Variants in PRKCB observed in about 807,000 individuals in gnomAD.
PRKCB encodes protein kinase C beta, also known as protein kinase C beta type.
Under a neutral mutation model 81.5 loss-of-function variants are expected in PRKCB, and 13 were observed. That is an observed-to-expected ratio of 0.16 (90% CI 0.10 to 0.25). The LOEUF (loss-of-function observed/expected upper bound fraction) is 0.25. PRKCB is among the 10% of genes least tolerant of loss of function. The probability of loss-of-function intolerance (pLI) is 1.00; values close to 1 mark genes in which losing one functional copy is unlikely to be tolerated. For synonymous variants in PRKCB, 335 were observed against 321.4 expected, an observed-to-expected ratio of 1.04 and a Z score of -0.45; for missense variants, 509 against 875.7, an observed-to-expected ratio of 0.58 and a Z score of 5.29.
At position 24,217,162 on chromosome 16, in the gene PRKCB, AAAAG is replaced by A. The variant is rs1482072810; in HGVS notation, c.*2349_*2352del. On this transcript the variant is annotated 3_prime_UTR_variant, in exon 17 of 17. Coordinates refer to ENST00000643927, the MANE Select transcript of PRKCB (RefSeq NM_002738.7). ...AAAGGAAGGAAGGAAAGAAGGAAGG[AAAAG>A]AAGGAAGGAAGGAAGGAATATAGTG... 4 of 981,694 alleles carry A rather than the reference AAAAG, an allele frequency of 4.1e-6. No individual in the cohort carries two copies. Among genetic ancestry groups the A allele is most frequent in the Non-Finnish European group, 3.6e-6 (3 of 827,854 alleles). 60.8% of individuals were successfully genotyped at this position (981,694 alleles called of 1,614,324 possible).
chr16:23,841,671 T>TTTTA (rs1305070212), intron 2 of PRKCB, among the ~76,000 whole-genome samples: 1 of 144,850 alleles, frequency 6.9e-6, no homozygotes, highest in Non-Finnish European at 1.5e-5. Flanking sequence ...TTTTTTTTTT[T>TTTTA]TTGAGACGGA....
At chr16:23,885,341 C>T (rs1343562872) in intron 2 of PRKCB, among the ~76,000 whole-genome samples, 2 of 152,142 alleles carry the variant, frequency 1.3e-5, no homozygotes, top group East Asian at 3.8e-4. Context: ...CGGAGTCTTG[C>T]TCTGTCACCC....
chr16:23,877,208 A>G (rs1213460671), intron 2 of PRKCB, among the ~76,000 whole-genome samples: 1 of 152,132 alleles, frequency 6.6e-6, no homozygotes, highest in East Asian at 1.9e-4. Context: ...AGCCAGGCAC[A>G]GTGCCTGTAG....
intron 2 of PRKCB, among the ~76,000 whole-genome samples, chr16:23,913,979 T>A (rs1597242998): frequency 6.6e-6 from 1 of 152,076 alleles, no homozygotes; most frequent in African/African-American, 2.4e-5. Flanking sequence ...TGCTCCCCAG[T>A]ATGTGAAAAT....
intron 10 of PRKCB, among the ~76,000 whole-genome samples, chr16:24,169,442 C>T (rs904609310): frequency 3.3e-5 from 5 of 152,208 alleles, no homozygotes; most frequent in East Asian, 1.9e-4. Flanking sequence ...TTACATGATG[C>T]GTCCCTCAGC....
At chr16:23,979,658 G>C (rs1047261003) in intron 2 of PRKCB, among the ~76,000 whole-genome samples, 2 of 152,046 alleles carry the variant, frequency 1.3e-5, no homozygotes, top group Admixed American at 1.3e-4. Context: ...AGGAAAGCGG[G>C]GGAGGCTTTC....
At chr16:23,913,235 G>C (rs563551996) in intron 2 of PRKCB, among the ~76,000 whole-genome samples, 5 of 152,134 alleles carry the variant, frequency 3.3e-5, no homozygotes, top group African/African-American at 9.6e-5. Context: ...TGGACAAGGA[G>C]AAGCCGAGAG....
At chr16:23,900,830 T>A (rs1963460441) in intron 2 of PRKCB, among the ~76,000 whole-genome samples, 1 of 147,664 alleles carries the variant, frequency 6.8e-6, no homozygotes, top group Non-Finnish European at 1.5e-5. Context: ...CTGGAGTGGA[T>A]CTCCTTGTAC....
chr16:24,155,570 C>T (rs1369182902), intron 10 of PRKCB, among the ~76,000 whole-genome samples: 1 of 152,194 alleles, frequency 6.6e-6, no homozygotes, highest in African/African-American at 2.4e-5. Flanking sequence ...TTTTAGGATT[C>T]TCAGGGCCAA....
intron 5 of PRKCB, among the ~76,000 whole-genome samples, chr16:24,051,813 C>G (rs1039326792): frequency 1.3e-5 from 2 of 152,004 alleles, no homozygotes; most frequent in African/African-American, 2.4e-5. Flanking sequence ...TCCAGGAGTT[C>G]AAGGAAAGAG....
intron 2 of PRKCB, among the ~76,000 whole-genome samples, chr16:23,911,894 G>A (rs1963662485): frequency 1.4e-5 from 2 of 142,250 alleles, no homozygotes; most frequent in African/African-American, 2.7e-5. Context: ...TGCAGTGGCA[G>A]GATCTCGGCT....
chr16:24,045,715 G>A (rs950806053), intron 5 of PRKCB, among the ~76,000 whole-genome samples: 1 of 152,172 alleles, frequency 6.6e-6, no homozygotes, highest in Admixed American at 6.5e-5. Flanking sequence ...TAGCAATTCG[G>A]GATCTCAGCT....
chr16:24,096,380 C>G (rs1966438669), intron 7 of PRKCB, among the ~76,000 whole-genome samples: 1 of 152,056 alleles, frequency 6.6e-6, no homozygotes, highest in South Asian at 2.1e-4. Context: ...TTGGTTAGAT[C>G]AAATCTCTTT....
intron 8 of PRKCB, among the ~76,000 whole-genome samples, chr16:24,120,859 G>A (rs754694974): frequency 4.6e-5 from 7 of 151,776 alleles, no homozygotes; most frequent in South Asian, 2.1e-4. Flanking sequence ...TCAGCCTCCC[G>A]CGTAGCTGGG....
intron 9 of PRKCB, among the ~76,000 whole-genome samples, chr16:24,127,212 G>C (rs1596560150): frequency 6.7e-6 from 1 of 148,934 alleles, no homozygotes; most frequent in Non-Finnish European, 1.5e-5. Flanking sequence ...CTCCATGTTG[G>C]TCAGGCTGGT....
chr16:23,851,510 G>A (rs1223697083), intron 2 of PRKCB, among the ~76,000 whole-genome samples: 1 of 152,138 alleles, frequency 6.6e-6, no homozygotes, highest in Non-Finnish European at 1.5e-5. Context: ...TTGAAATTAA[G>A]TCGTGTGATT....
intron 7 of PRKCB, among the ~76,000 whole-genome samples, chr16:24,107,582 A>C (rs1966594354): frequency 6.6e-6 from 1 of 152,128 alleles, no homozygotes; most frequent in Non-Finnish European, 1.5e-5. Flanking sequence ...TGTGCATCTC[A>C]AAGTCAGAAG....
chr16:23,875,728 CAT>C (rs1343281471), intron 2 of PRKCB, among the ~76,000 whole-genome samples: 2 of 47,990 alleles, frequency 4.2e-5, no homozygotes, highest in African/African-American at 9.6e-5. Flanking sequence ...GTATATCACA[CAT>C]ATATATGTAT....
intron 2 of PRKCB, among the ~76,000 whole-genome samples, chr16:23,883,841 A>C (rs185584596): frequency 1.1e-3 from 175 of 152,286 alleles, no homozygotes; most frequent in African/African-American, 3.7e-3. Flanking sequence ...TCCAGTAGAA[A>C]TATAACATGA....
Sources: allele counts gnomAD v4.1 joint callset (sites outside exome capture counted in the v4.1 genomes callset), GRCh38; gene constraint gnomAD v4.1.1; transcripts MANE v1.5; gene names NCBI Gene and HGNC (gene_info 2026-07-23, HGNC 2026-07-21).